Variants in SEMA3A observed in about 807,000 individuals in gnomAD.
SEMA3A encodes the protein semaphorin-3A.
A neutral mutation model predicts 97.9 loss-of-function variants in SEMA3A; 29 were observed. The observed-to-expected ratio is 0.30, with a 90% CI of 0.22 to 0.40. The LOEUF (loss-of-function observed/expected upper bound fraction) is 0.40, where lower values mean the gene tolerates loss of function less well. Among genes scored for constraint, SEMA3A ranks in the 10% least tolerant of loss-of-function variants. SEMA3A has a pLI of 1.00. For missense variants in SEMA3A, 763 were observed against 951.3 expected (o/e 0.80, Z 2.60); for synonymous variants, 321 against 323.7 (o/e 0.99, Z 0.09).
chr7:84,154,508 T>A (rs1796773984), intron 1 of SEMA3A, among the ~76,000 whole-genome samples: 1 of 151,702 alleles, frequency 6.6e-6, no homozygotes, highest in African/African-American at 2.4e-5. Flanking sequence ...AAACCCCGTC[T>A]CTACTAAAAA....
At chr7:84,260,865 T>C (rs185615541) in intron 3 of SEMA3A, among the ~76,000 whole-genome samples, 3 of 152,226 alleles carry the variant, frequency 2.0e-5, no homozygotes, top group African/African-American at 7.2e-5. Context: ...CTTGGTGAAA[T>C]CCCACCTTCA....
intron 6 of SEMA3A, among the ~76,000 whole-genome samples, chr7:84,033,859 C>A (rs754176253): frequency 6.6e-6 from 1 of 152,088 alleles, no homozygotes; most frequent in African/African-American, 2.4e-5. Context: ...AAGGGCCACA[C>A]ACGTAGTAGC....
rs1157309 is a variant in SEMA3A, at chr7:84,060,806, A to G, written c.454-248T>C. Among the ~76,000 whole-genome samples the G allele has an allele frequency of 0.016, 2,430 of 152,338 alleles. 55 individuals are homozygous for G. Among genetic ancestry groups the G allele is most frequent in the African/African-American group, 0.051 (2,100 of 41,568 alleles). On this transcript the variant is annotated intron_variant, in intron 4 of 16. Coordinates refer to ENST00000265362, the MANE Select transcript of SEMA3A (RefSeq NM_006080.3). The stretch of plus-strand genomic sequence containing the variant: ...ACGTTGCAAACAATAATGTGTAAAT[A>G]AACTATAAAGAACAGGATGTGTCAT...
At chr7:84,012,331 C>A (rs568738965) in intron 7 of SEMA3A, among the ~76,000 whole-genome samples, 18 of 152,092 alleles carry the variant, frequency 1.2e-4, no homozygotes, top group Non-Finnish European at 2.2e-4. Context: ...TAAATATATA[C>A]AATTCTTACT....
At chr7:84,002,093 CAG>C in intron 11 of SEMA3A, 47 bp from the exon 12 acceptor site, 1 of 1,077,816 alleles carries the variant, frequency 9.3e-7, no homozygotes, top group Non-Finnish European at 1.4e-6. Flanking sequence ...TAGATCTGAA[CAG>C]AGATTAGTGT....
At chr7:84,242,328 T>C (rs1282737258) in intron 3 of SEMA3A, among the ~76,000 whole-genome samples, 1 of 152,182 alleles carries the variant, frequency 6.6e-6, no homozygotes, top group African/African-American at 2.4e-5. Flanking sequence ...GTAATTCTCC[T>C]TGAAAAGGTC....
At chr7:84,317,010 G>A (rs899339088) in intron 2 of SEMA3A, among the ~76,000 whole-genome samples, 1 of 151,876 alleles carries the variant, frequency 6.6e-6, no homozygotes, top group Non-Finnish European at 1.5e-5. Flanking sequence ...TATACTATTA[G>A]CTGGTACCCA....
At chr7:84,401,922 C>T (rs777607942) in intron 1 of SEMA3A, among the ~76,000 whole-genome samples, 4 of 152,124 alleles carry the variant, frequency 2.6e-5, no homozygotes, top group African/African-American at 4.8e-5. Flanking sequence ...CAGAGAAATG[C>T]TTCAGGATGC....
At chr7:84,422,215 G>A (rs1355240191) in intron 1 of SEMA3A, among the ~76,000 whole-genome samples, 1 of 151,968 alleles carries the variant, frequency 6.6e-6, no homozygotes, top group African/African-American at 2.4e-5. Flanking sequence ...GGTCTATTCA[G>A]GGATTAGACT....
At chr7:84,273,806 G>C (rs1343832274) in intron 3 of SEMA3A, among the ~76,000 whole-genome samples, 1 of 151,894 alleles carries the variant, frequency 6.6e-6, no homozygotes, top group Non-Finnish European at 1.5e-5. Context: ...TACTATTAGA[G>C]TCATGTATAA....
At chr7:84,377,288 A>T (rs558869238) in intron 1 of SEMA3A, among the ~76,000 whole-genome samples, 1 of 152,182 alleles carries the variant, frequency 6.6e-6, no homozygotes, top group African/African-American at 2.4e-5. Flanking sequence ...CCTTTCCCCA[A>T]TTAATGCTCT....
chr7:84,054,258 T>G (rs376955419), intron 5 of SEMA3A, among the ~76,000 whole-genome samples: 1 of 152,248 alleles, frequency 6.6e-6, no homozygotes, highest in Admixed American at 6.5e-5. Flanking sequence ...GAACGTTGGC[T>G]TGCCTTGCTA....
At chr7:84,058,310 A>G (rs1156455425) in intron 5 of SEMA3A, among the ~76,000 whole-genome samples, 4 of 152,198 alleles carry the variant, frequency 2.6e-5, no homozygotes, top group African/African-American at 9.6e-5. Context: ...TACAACCTGT[A>G]TATTTCTGAG....
chr7:84,460,349 A>AT (rs1333259224), intron 1 of SEMA3A, among the ~76,000 whole-genome samples: 2 of 151,924 alleles, frequency 1.3e-5, no homozygotes, highest in African/African-American at 2.4e-5. Flanking sequence ...GTTTTTGGGC[A>AT]TTTTTCCAAA....
chr7:84,439,899 TA>T (rs1805231808), intron 1 of SEMA3A, among the ~76,000 whole-genome samples: 1 of 152,198 alleles, frequency 6.6e-6, no homozygotes, highest in South Asian at 2.1e-4. Flanking sequence ...AAAATCAGGT[TA>T]AAAATTTAAT....
chr7:84,095,347 T>TATGGCA (rs1169108797), intron 4 of SEMA3A, among the ~76,000 whole-genome samples: 2 of 31,326 alleles, frequency 6.4e-5, no homozygotes, highest in Non-Finnish European at 8.3e-5. Flanking sequence ...ATATTTTATA[T>TATGGCA]TTTTTATATA....
intron 15 of SEMA3A, among the ~76,000 whole-genome samples, chr7:83,964,903 G>T (rs1348714040): frequency 6.6e-6 from 1 of 151,926 alleles, no homozygotes; most frequent in Non-Finnish European, 1.5e-5. Flanking sequence ...AATGCATATG[G>T]AACATGTTGC....
At chr7:84,397,217 T>C (rs965635553) in intron 1 of SEMA3A, among the ~76,000 whole-genome samples, 15 of 151,944 alleles carry the variant, frequency 9.9e-5, no homozygotes, top group Admixed American at 9.2e-4. Context: ...ACTTTAATTG[T>C]CTGGTTCTGA....
At chr7:84,369,216 T>C (rs1028294649) in intron 2 of SEMA3A, among the ~76,000 whole-genome samples, 2 of 151,130 alleles carry the variant, frequency 1.3e-5, no homozygotes, top group African/African-American at 4.8e-5. Flanking sequence ...GGAATCTTTC[T>C]TATAAATATG....
Sources: gnomAD v4.1 joint callset for allele counts (sites outside exome capture counted in the v4.1 genomes callset) on GRCh38, gnomAD v4.1.1 for gene constraint, MANE v1.5 for transcripts, NCBI Gene and HGNC (gene_info 2026-07-23, HGNC 2026-07-21) for gene names.